Variants in NBPF15 observed in about 807,000 individuals in gnomAD.
The protein encoded by NBPF15 is NBPF member 15.
A neutral mutation model predicts 62.2 loss-of-function variants in NBPF15; 74 were observed. The observed-to-expected ratio is 1.19, with a 90% CI of 0.99 to 1.44. NBPF15 has a LOEUF of 1.44. Among genes scored for constraint, NBPF15 ranks in the 40% most tolerant of loss-of-function variants. The pLI is 0.00. For missense variants in NBPF15, 790 were observed against 550.0 expected (o/e 1.44, Z -4.36); for synonymous variants, 244 against 209.7 (o/e 1.16, Z -1.41).
rs1553542303 is a variant in NBPF15, at chr1:144,440,023, G to C, written c.-20C>G. ...CACCATGCTGACGTTTGTGGCAGAAGAGGTGGAGTCAGGGACTGGGGAGAA... is the reference window on the plus strand; with the variant it reads ...CACCATGCTGACGTTTGTGGCAGAACAGGTGGAGTCAGGGACTGGGGAGAA... On this transcript the variant is annotated 5_prime_UTR_variant, in exon 8 of 22. Coordinates refer to ENST00000581897, the MANE Select transcript of NBPF15 (RefSeq NM_001385408.1). 1.9e-6 allele frequency: 3 copies of C among 1,605,834 alleles called. No homozygotes were observed. In the East Asian group the frequency reaches 6.7e-5, roughly 36 times the overall value.
At chr1:144,429,433 C>G (rs1166591963) in intron 14 of NBPF15, among the ~76,000 whole-genome samples, 2 of 151,364 alleles carry the variant, frequency 1.3e-5, no homozygotes, top group Non-Finnish European at 2.9e-5. Flanking sequence ...GTGAGTTTGC[C>G]ACACCTGCCT....
chr1:144,442,502 C>G lies in NBPF15; in HGVS notation c.-190-2207G>C, dbSNP rs1684257455. ...CAGAGTCGTGGCGAGGAGGACAGCA[C>G]CTGCATCGAGCTCTCCGCCTCCCCC... On this transcript the variant is annotated intron_variant, in intron 6 of 21. Coordinates refer to ENST00000581897, the MANE Select transcript of NBPF15 (RefSeq NM_001385408.1). The G allele has an allele frequency of 4.7e-5, 7 of 150,262 alleles. No individual in the cohort carries two copies. The Admixed American group carries it at 4.7e-4, about 10-fold the overall frequency. 9.3% of individuals were successfully genotyped at this position (150,262 alleles called of 1,614,324 possible).
At position 144,442,146 on chromosome 1, in the gene NBPF15, T is replaced by A. The variant is rs1553542841; in HGVS notation, c.-190-1851A>T. ...ATATACACGTGTATATATATATATA[T>A]AATATATATACACGTGTATATATAT... is the stretch of plus-strand genomic sequence containing the variant. On this transcript the variant is annotated intron_variant, in intron 6 of 21. Coordinates refer to ENST00000581897, the MANE Select transcript of NBPF15 (RefSeq NM_001385408.1). Among the ~76,000 whole-genome samples, 41 of 7,590 alleles carry A rather than the reference T, an allele frequency of 5.4e-3. 2 individuals are homozygous for A. The highest frequency in any genetic ancestry group is 0.038 in the Middle Eastern group (1 of 26). The allele number at this position is 7,590 out of a possible 152,430, so 5.0% of individuals were successfully genotyped here.
intron 11 of NBPF15, 112 bp from the exon 12 acceptor site, chr1:144,435,428 C>G (rs1677480917): frequency 8.1e-6 from 12 of 1,483,494 alleles, no homozygotes; most frequent in South Asian, 5.7e-5. Context: ...TCCCAGAAAG[C>G]AAAATGGACG....
chr1:144,423,941 C>G lies in NBPF15; in HGVS notation c.1698G>C (p.Arg566Ser), dbSNP rs1447411692. The G allele has an allele frequency of 5.1e-6, 4 of 783,778 alleles. No individual in the cohort carries two copies. The East Asian group carries it at 9.7e-5, about 19-fold the overall frequency. The allele number at this position is 783,778 out of a possible 1,614,324, so 48.6% of individuals were successfully genotyped here. A position where few individuals can be genotyped will look rare whatever the true frequency, so the allele number is the denominator to read the frequency against. Reference protein sequence around the residue: ...IEKKGKGKKRRGRRSKKKRRR... With the variant: ...IEKKGKGKKRSGRRSKKKRRR... ...TTCTTTTCTTCTTTGATCTTCTTCCCCTTCTTTTCTTCCCCTTCCCCTTCT... is the reference window on the plus strand; with the variant it reads ...TTCTTTTCTTCTTTGATCTTCTTCCGCTTCTTTTCTTCCCCTTCCCCTTCT... The change falls in exon 21 of 22, where the codon AGG (arginine) becomes AGC (serine). Residue 566 changes from arginine to serine, a missense_variant. Transcript: ENST00000581897.
rs1553538566 is a variant in NBPF15 at position 144,423,178 on chromosome 1, T to A, written c.1848A>T (p.Ser616=). ...DSLDRCYSTP[S]MYFEQPDSFQ... ...ATGAGTCAGGTTGTTCAAAGTACATTGACGGAGTCGAATAACATCTATCCA... is the reference window on the plus strand; with the variant it reads ...ATGAGTCAGGTTGTTCAAAGTACATAGACGGAGTCGAATAACATCTATCCA... The change falls in exon 22 of 22, where the codon TCA becomes TCT. Residue 616 remains serine, a synonymous_variant. Transcript: ENST00000581897. The A allele has an allele frequency of 6.2e-7, 1 of 1,611,578 alleles. No homozygotes were observed. The highest frequency in any genetic ancestry group is 1.7e-5 in the Admixed American group (1 of 59,992).
At chr1:144,442,136 TATA>T (rs1379216535) in intron 6 of NBPF15, among the ~76,000 whole-genome samples, 1 of 11,184 alleles carries the variant, frequency 8.9e-5, no homozygotes, top group African/African-American at 2.0e-4. Flanking sequence ...CACGTGTATA[TATA>T]TATATATAAT....
rs191326244 is a variant in NBPF15 at position 144,445,894 on chromosome 1, T to C, written c.-191+2881A>G. ...TTTTTTGAAACAGAGTCTTGCTCTG[T>C]TACCCAGGCTGGAGTGCAGTGATGC... On this transcript the variant is annotated intron_variant, in intron 6 of 21. Coordinates refer to ENST00000581897, the MANE Select transcript of NBPF15 (RefSeq NM_001385408.1). Among the ~76,000 whole-genome samples, 1,180 of 145,322 alleles carry C rather than the reference T, an allele frequency of 8.1e-3. 23 individuals carry two copies. Among genetic ancestry groups the C allele is most frequent in the Non-Finnish European group, 0.013 (882 of 66,466 alleles).
At chr1:144,453,631 C>A (rs1553546051) in intron 4 of NBPF15, among the ~76,000 whole-genome samples, 4 of 81,760 alleles carry the variant, frequency 4.9e-5, no homozygotes, top group Admixed American at 1.5e-4. Context: ...AACTAAACAA[C>A]ACAAAGCAAA....
intron 13 of NBPF15, among the ~76,000 whole-genome samples, chr1:144,431,756 C>G (rs1489269194): frequency 1.5e-5 from 2 of 132,190 alleles, no homozygotes; most frequent in African/African-American, 5.9e-5. Flanking sequence ...GGTTTTTTGT[C>G]CTTGCAATAG....
intron 6 of NBPF15, among the ~76,000 whole-genome samples, chr1:144,445,626 A>C (rs1299507019): frequency 6.6e-6 from 1 of 150,892 alleles, no homozygotes; most frequent in Non-Finnish European, 1.5e-5. Context: ...TACCATATAA[A>C]TGGTAGAATC....
At chr1:144,442,303 T>TAC (rs1292906479) in intron 6 of NBPF15, among the ~76,000 whole-genome samples, 1 of 129,122 alleles carries the variant, frequency 7.7e-6, no homozygotes, top group Non-Finnish European at 1.6e-5. Context: ...TATATATATA[T>TAC]ACACGTGTAT....
intron 8 of NBPF15, among the ~76,000 whole-genome samples, chr1:144,439,071 C>T (rs1195226509): frequency 6.3e-4 from 96 of 151,984 alleles, no homozygotes; most frequent in Non-Finnish European, 2.2e-4. Flanking sequence ...GCAACCTCAG[C>T]CTCCTGGGTT....
At chr1:144,451,885 C>A (rs1332490598) in intron 4 of NBPF15, among the ~76,000 whole-genome samples, 1 of 151,796 alleles carries the variant, frequency 6.6e-6, no homozygotes, top group African/African-American at 2.4e-5. Flanking sequence ...CAGGCCGTGG[C>A]TCATGTCTGT....
At chr1:144,445,939 C>T (rs782418337) in intron 6 of NBPF15, among the ~76,000 whole-genome samples, 4 of 147,382 alleles carry the variant, frequency 2.7e-5, no homozygotes, top group African/African-American at 7.7e-5. Context: ...TCACTGCAAC[C>T]TCTGCCTCCC....
At chr1:144,428,264 G>A (rs1268439186) in intron 15 of NBPF15, among the ~76,000 whole-genome samples, 1 of 151,516 alleles carries the variant, frequency 6.6e-6, no homozygotes. Context: ...GGAATCAAAG[G>A]ACACTCTGTA....
intron 3 of NBPF15, among the ~76,000 whole-genome samples, chr1:144,458,048 C>G (rs1273473926): frequency 6.6e-6 from 1 of 151,518 alleles, no homozygotes; most frequent in Non-Finnish European, 1.5e-5. Context: ...GATCATACCA[C>G]TCCACTCCAG....
chr1:144,435,245 T>C lies in NBPF15; in HGVS notation c.638A>G (p.Asn213Ser), dbSNP rs1380082915. The C allele has an allele frequency of 1.1e-5, 17 of 1,612,742 alleles. No individual in the cohort carries two copies. The highest frequency in any genetic ancestry group is 1.7e-6 in the Non-Finnish European group (2 of 1,179,644). ...GTTGGAGTCATAAGGGCCATGGCTA[T>C]TTGAACAAGTGATGGCACATTCCTC... ...SLEECAITCS[N>S]SHGPYDSNQP... The change falls in exon 12 of 22, where the codon AAT becomes AGT. Residue 213 changes from asparagine to serine, a missense_variant. Transcript: ENST00000581897.
At chr1:144,440,569 C>T (rs1470577605) in intron 6 of NBPF15, 1 of 241,438 alleles carries the variant, frequency 4.1e-6, no homozygotes, top group African/African-American at 2.3e-5. Context: ...AGTTTCCCAA[C>T]AGGTTATATT....
Sources: gnomAD v4.1 joint callset for allele counts (sites outside exome capture counted in the v4.1 genomes callset) on GRCh38, gnomAD v4.1.1 for gene constraint, MANE v1.5 for transcripts, NCBI Gene and HGNC (gene_info 2026-07-23, HGNC 2026-07-21) for gene names.